The following UNC80 variants were observed in gnomAD, a reference collection of about 807,000 sequenced individuals.
UNC80 encodes protein unc-80 homolog.
A neutral mutation model predicts 384.6 loss-of-function variants in UNC80; 164 were observed. The observed-to-expected ratio is 0.43, with a 90% CI of 0.38 to 0.49. The LOEUF is 0.49. Ranked by LOEUF, UNC80 falls within the 20% of genes least tolerant of loss-of-function variation. UNC80 has a pLI of 0.00. For synonymous variants in UNC80, 1,486 were observed against 1,527.8 expected, an observed-to-expected ratio of 0.97 and a Z score of 0.64; for missense variants, 3,330 against 4,143.0, an observed-to-expected ratio of 0.80 and a Z score of 5.39.
At chr2:209,806,804 T>G (rs1231297726) in intron 7 of UNC80, among the ~76,000 whole-genome samples, 2 of 152,238 alleles carry the variant, frequency 1.3e-5, no homozygotes, top group Non-Finnish European at 2.9e-5. Context: ...TTTAAATTAA[T>G]GTTAGATTTC....
At chr2:209,993,970 A>C (rs2093438666) in intron 63 of UNC80, 95 bp from the exon 64 acceptor site, 2 of 1,102,236 alleles carry the variant, frequency 1.8e-6, no homozygotes, top group African/African-American at 3.2e-5. Flanking sequence ...ATTTTAAAAA[A>C]TCCCCAGGAG....
At chr2:209,828,706 C>T (rs1370193384) in intron 14 of UNC80, among the ~76,000 whole-genome samples, 2 of 152,154 alleles carry the variant, frequency 1.3e-5, no homozygotes, top group African/African-American at 4.8e-5. Context: ...AGGTGGCCCT[C>T]ACTCAGCCAC....
chr2:209,813,941 C>A, intron 8 of UNC80, 100 bp downstream of exon 8: 1 of 1,416,984 alleles, frequency 7.1e-7, no homozygotes, highest in Non-Finnish European at 9.4e-7. Context: ...CTAGTGCTGA[C>A]TTTTTGGTTG....
In UNC80 at chr2:209,996,423, A is replaced by G. The variant is rs991437440; in HGVS notation, c.*828A>G. The G allele has an allele frequency of 2.0e-5, 3 of 152,242 alleles. No individual in the cohort carries two copies. Among genetic ancestry groups the G allele is most frequent in the African/African-American group, 7.2e-5 (3 of 41,472 alleles). 9.4% of individuals were successfully genotyped at this position (152,242 alleles called of 1,614,324 possible). On this transcript the variant is annotated 3_prime_UTR_variant, in exon 65 of 65. Coordinates refer to ENST00000673920, the MANE Select transcript of UNC80 (RefSeq NM_001371986.1). ...CCTATTCCTAGCCCTGACTACATCAATACCAAGATTAGAAGCTATTGGAAA... is the reference window on the plus strand; with the variant it reads ...CCTATTCCTAGCCCTGACTACATCAGTACCAAGATTAGAAGCTATTGGAAA...
chr2:209,930,746 A>G (rs919730535), intron 37 of UNC80, among the ~76,000 whole-genome samples: 1 of 152,130 alleles, frequency 6.6e-6, no homozygotes, highest in Admixed American at 6.6e-5. Flanking sequence ...CTGCTCAGTG[A>G]TTTTTATGTG....
chr2:209,839,207 T>G lies in UNC80; in HGVS notation c.3042-15T>G. 1 of 1,550,704 alleles carries G rather than the reference T, an allele frequency of 6.4e-7. No individual in the cohort carries two copies. Among genetic ancestry groups the G allele is most frequent in the South Asian group, 1.2e-5 (1 of 84,002 alleles). ...TGTTGTCAGAAGTTTAACCCTATCC[T>G]CTGCTTGCCTACAGCGATGAACAAA... On this transcript the variant is annotated splice_polypyrimidine_tract_variant and intron_variant, in intron 18 of 64. Coordinates refer to ENST00000673920, the MANE Select transcript of UNC80 (RefSeq NM_001371986.1). The surrounding 1 kb of genome is among the most constrained non-coding windows in gnomAD (Gnocchi z 4.1).
intron 20 of UNC80, among the ~76,000 whole-genome samples, chr2:209,841,637 A>G (rs1444500148): frequency 6.6e-6 from 1 of 152,200 alleles, no homozygotes; most frequent in Admixed American, 6.5e-5. Flanking sequence ...GGTGTGAGCC[A>G]CCACGCCCAG....
intron 35 of UNC80, among the ~76,000 whole-genome samples, chr2:209,926,601 G>C (rs539787882): frequency 6.6e-6 from 1 of 152,130 alleles, no homozygotes; most frequent in Admixed American, 6.5e-5. Flanking sequence ...ACACAGTGAG[G>C]ACTCATCCTA....
intron 6 of UNC80, 150 bp from the exon 7 acceptor site, chr2:209,793,569 CT>C: frequency 1.2e-6 from 1 of 823,970 alleles, no homozygotes. Flanking sequence ...GTCAAAATCC[CT>C]TGGCCCATAA....
Position 209,834,996 on chromosome 2 carries a change from A to G in UNC80, c.3027A>G (p.Ser1009=). The change falls in exon 18 of 65, where the codon TCA becomes TCG. Residue 1009 remains serine (S), a synonymous_variant. Coordinates refer to ENST00000673920, the MANE Select transcript of UNC80 (RefSeq NM_001371986.1). ...GCAGCTTCATGTCTGGTCGCCCCTC[A>G]CAGACTCCAGAGCAGTAAGTAGCGT... ...ECRSFMSGRP[S]QTPEHDEQMQ... is the part of the protein sequence containing the mutation. The G allele has an allele frequency of 6.4e-7, 1 of 1,550,614 alleles. No individual in the cohort carries two copies.
chr2:209,911,766 G>A (rs2088973902), intron 29 of UNC80, among the ~76,000 whole-genome samples: 1 of 152,170 alleles, frequency 6.6e-6, no homozygotes, highest in Non-Finnish European at 1.5e-5. Context: ...TGCAAAAATA[G>A]GAAGAATCAG....
chr2:209,937,749 A>G (rs1047075166), intron 42 of UNC80, 119 bp downstream of exon 42: 7 of 718,548 alleles, frequency 9.7e-6, no homozygotes, highest in South Asian at 3.5e-5. Context: ...TGGAGACAGT[A>G]GTTGGCCCTC....
intron 7 of UNC80, among the ~76,000 whole-genome samples, chr2:209,812,461 T>A (rs1163362298): frequency 1.3e-5 from 2 of 151,378 alleles, no homozygotes; most frequent in East Asian, 3.9e-4. Flanking sequence ...ATTAAAAAAA[T>A]ATGAGCCTAA....
intron 27 of UNC80, among the ~76,000 whole-genome samples, chr2:209,895,648 G>A (rs1315520393): frequency 1.3e-5 from 2 of 152,172 alleles, no homozygotes; most frequent in African/African-American, 2.4e-5. Context: ...TGAAAACATT[G>A]TTTTGTCATT....
intron 14 of UNC80, 81 bp downstream of exon 14, chr2:209,826,134 T>C: frequency 7.3e-7 from 1 of 1,364,576 alleles, no homozygotes; most frequent in Non-Finnish European, 9.7e-7. Context: ...ACAATGAGGG[T>C]CAGTGTTCCC....
rs372996455 is a variant in UNC80 at position 209,819,217 on chromosome 2, G to A, written c.1918G>A (p.Gly640Arg). Residue 640 changes from glycine (G) to arginine (R), a missense_variant, in exon 12 of 65, where the codon GGG (glycine) becomes AGG (arginine). By Grantham distance (125) the Gly-to-Arg change is moderately radical (BLOSUM62 -2). Coordinates refer to ENST00000673920, the MANE Select transcript of UNC80 (RefSeq NM_001371986.1). Reference protein sequence around the residue: ...SYLEDTEHIDGTNNFVHKNGM... With the variant: ...SYLEDTEHIDRTNNFVHKNGM... ...CCTAGAGGACACAGAACATATTGAC[G>A]GGACCAATAACTTTGTCCACAAGAA... The A allele has an allele frequency of 2.1e-5, 32 of 1,551,602 alleles. No homozygotes were observed. Among genetic ancestry groups the A allele is most frequent in the Non-Finnish European group, 2.6e-5 (30 of 1,146,972 alleles).
intron 7 of UNC80, chr2:209,808,746 T>C (rs1330741218): frequency 2.3e-5 from 1 of 43,566 alleles, no homozygotes; most frequent in Non-Finnish European, 3.8e-5. Flanking sequence ...CTCGGCCTAG[T>C]GAGTGGGTCG....
In UNC80 at chr2:209,813,802, G is replaced by C; in HGVS notation, c.1161G>C (p.Val387=). 6.4e-7 allele frequency: 1 copy of C among 1,552,172 alleles called. No homozygotes were observed. The highest frequency in any genetic ancestry group is 8.7e-7 in the Non-Finnish European group (1 of 1,147,102). ...CCAGACCCAGGAGTAGCTCCATGGT[G>C]GCAGCAGCTCCCTCACTAGTGAACA... is the stretch of plus-strand genomic sequence containing the variant. The part of the protein sequence containing the change: ...LLPRPRSSSM[V]AAAPSLVNTH... Residue 387 remains valine (V), a synonymous_variant, in exon 8 of 65, where the codon GTG becomes GTC. Coordinates refer to ENST00000673920, the MANE Select transcript of UNC80 (RefSeq NM_001371986.1).
intron 59 of UNC80, among the ~76,000 whole-genome samples, chr2:209,981,644 A>G (rs1391393139): frequency 6.6e-6 from 1 of 152,234 alleles, no homozygotes; most frequent in Non-Finnish European, 1.5e-5. Flanking sequence ...AAACAAAATC[A>G]CATACTTAAA....
Sources: allele counts gnomAD v4.1 joint callset (sites outside exome capture counted in the v4.1 genomes callset), GRCh38; gene constraint gnomAD v4.1.1; non-coding constraint Gnocchi (gnomAD v3.1); transcripts MANE v1.5; gene names NCBI Gene and HGNC (gene_info 2026-07-23, HGNC 2026-07-21).